The following DOCK5 variants were observed in gnomAD, a reference collection of about 807,000 sequenced individuals.
DOCK5 encodes the protein dedicator of cytokinesis 5.
DOCK5 carries 142 observed loss-of-function variants against 251.8 expected under a neutral mutation model. That is an observed-to-expected ratio of 0.56 (90% confidence interval 0.49 to 0.65). DOCK5 has a LOEUF of 0.65. Among genes scored for constraint, DOCK5 ranks in the 30% least tolerant of loss-of-function variants. DOCK5 has a pLI of 0.00. For missense variants in DOCK5, 2,111 were observed against 2,312.3 expected, an observed-to-expected ratio of 0.91 and a Z score of 1.79; for synonymous variants, 842 against 835.5, an observed-to-expected ratio of 1.01 and a Z score of -0.13.
intron 3 of DOCK5, among the ~76,000 whole-genome samples, chr8:25,271,534 T>G (rs188486716): frequency 6.6e-6 from 1 of 152,338 alleles, no homozygotes; most frequent in Admixed American, 6.5e-5. Flanking sequence ...AAAGGCCTGT[T>G]GTTTTAATGG....
intron 4 of DOCK5, 127 bp downstream of exon 4, chr8:25,275,568 C>A: frequency 1.1e-6 from 1 of 909,196 alleles, no homozygotes; most frequent in Non-Finnish European, 1.6e-6. Context: ...GGCGTGGTGG[C>A]TCACGCCTGT....
intron 1 of DOCK5, among the ~76,000 whole-genome samples, chr8:25,219,033 T>C (rs1434966407): frequency 2.6e-5 from 4 of 152,198 alleles, no homozygotes; most frequent in Non-Finnish European, 4.4e-5. Context: ...ACTCTAAACA[T>C]GCTTATTTTG....
At chr8:25,314,912 C>G (rs1805201613) in intron 13 of DOCK5, among the ~76,000 whole-genome samples, 2 of 150,848 alleles carry the variant, frequency 1.3e-5, no homozygotes, top group South Asian at 2.1e-4. Context: ...TCCCTTCTCT[C>G]CATCTGCATT....
intron 38 of DOCK5, among the ~76,000 whole-genome samples, chr8:25,378,924 A>T (rs1356305503): frequency 1.3e-5 from 2 of 152,212 alleles, no homozygotes; most frequent in Non-Finnish European, 2.9e-5. Context: ...GCGACATCAC[A>T]TATCGGTAGG....
intron 7 of DOCK5, 116 bp downstream of exon 7, chr8:25,296,764 T>C (rs1428998105): frequency 1.9e-5 from 25 of 1,332,144 alleles, no homozygotes; most frequent in Non-Finnish European, 2.5e-5. Flanking sequence ...TTCGTCCTCA[T>C]TTTAAAAGTG....
chr8:25,334,289 A>G (rs1805749549), intron 21 of DOCK5, 93 bp downstream of exon 21: 2 of 1,011,136 alleles, frequency 2.0e-6, no homozygotes, highest in Non-Finnish European at 3.1e-6. Context: ...ACCTATTACT[A>G]TTCAGTAAAT....
chr8:25,300,751 G>A, intron 9 of DOCK5, 94 bp downstream of exon 9: 2 of 1,333,276 alleles, frequency 1.5e-6, no homozygotes, highest in Admixed American at 2.3e-5. Context: ...ATGAAAAGAT[G>A]AAAGGAAAAA....
At chr8:25,232,477 G>T (rs1802695464) in intron 1 of DOCK5, among the ~76,000 whole-genome samples, 1 of 152,176 alleles carries the variant, frequency 6.6e-6, no homozygotes, top group South Asian at 2.1e-4. Context: ...AACAGAAATA[G>T]ATTTCTCACA....
At chr8:25,232,910 G>GT (rs1563317769) in intron 1 of DOCK5, among the ~76,000 whole-genome samples, 2 of 152,082 alleles carry the variant, frequency 1.3e-5, no homozygotes, top group Non-Finnish European at 2.9e-5. Context: ...ATGTGCGTGG[G>GT]TTGGGAACAA....
intron 39 of DOCK5, among the ~76,000 whole-genome samples, chr8:25,382,048 C>G (rs1028235592): frequency 1.3e-5 from 2 of 152,204 alleles, no homozygotes; most frequent in Admixed American, 6.5e-5. Context: ...GGGTCTCACT[C>G]TGTCACCCAG....
chr8:25,302,025 A>G (rs1804778868), intron 9 of DOCK5, among the ~76,000 whole-genome samples: 2 of 152,132 alleles, frequency 1.3e-5, no homozygotes, highest in South Asian at 4.1e-4. Flanking sequence ...GAGGGCCCTG[A>G]TTTTTCAATA....
At chr8:25,253,992 CTA>C in intron 2 of DOCK5, among the ~76,000 whole-genome samples, 1 of 152,306 alleles carries the variant, frequency 6.6e-6, no homozygotes, top group East Asian at 1.9e-4. Context: ...TCACAACTTA[CTA>C]TAAAGCTATA....
intron 6 of DOCK5, among the ~76,000 whole-genome samples, chr8:25,296,220 T>C (rs1804612161): frequency 6.6e-6 from 1 of 152,224 alleles, no homozygotes; most frequent in Non-Finnish European, 1.5e-5. Flanking sequence ...GCAAGAAGCA[T>C]TGGCCAGAGG....
chr8:25,251,294 A>G (rs1429791155), intron 2 of DOCK5, among the ~76,000 whole-genome samples: 1 of 144,468 alleles, frequency 6.9e-6, no homozygotes, highest in Admixed American at 6.9e-5. Flanking sequence ...TGAACTGTAC[A>G]GAGGCAGGCA....
At chr8:25,188,448 A>G (rs1399985949) in intron 1 of DOCK5, among the ~76,000 whole-genome samples, 1 of 152,156 alleles carries the variant, frequency 6.6e-6, no homozygotes, top group African/African-American at 2.4e-5. Flanking sequence ...CTCTAAGAGG[A>G]GTGTGCCTCT....
At chr8:25,223,529 G>T (rs1802445644) in intron 1 of DOCK5, among the ~76,000 whole-genome samples, 1 of 152,172 alleles carries the variant, frequency 6.6e-6, no homozygotes, top group Non-Finnish European at 1.5e-5. Context: ...TGCCCAGCCT[G>T]GTCTCCAACT....
chr8:25,320,896 A>G (rs1276705892), intron 15 of DOCK5, 84 bp from the exon 16 acceptor site: 7 of 1,225,064 alleles, frequency 5.7e-6, no homozygotes, highest in Non-Finnish European at 8.2e-6. Flanking sequence ...TGGAAAGTAT[A>G]AAATTGAGCC....
In DOCK5 at chr8:25,380,374, G is replaced by T; in HGVS notation, c.4006G>T (p.Glu1336Ter). ...TTACGAAAGCAAAGTATTTGACTACGAGGGCCTTGGCAACCTCCTGGTGAG... is the reference window on the plus strand; with the variant it reads ...TTACGAAAGCAAAGTATTTGACTACTAGGGCCTTGGCAACCTCCTGGTGAG... The part of the protein sequence containing the change: ...ETYESKVFDY[E>*]GLGNLLKKRA... The change falls in exon 39 of 52, where the codon GAG becomes TAG. Residue 1336 changes from glutamate (E) to a stop codon, truncating the protein, a stop_gained. Coordinates refer to ENST00000276440, the MANE Select transcript of DOCK5 (RefSeq NM_024940.8). LOFTEE classifies it high-confidence loss of function. 2.5e-6 allele frequency: 4 copies of T among 1,610,016 alleles called. No homozygotes were observed. Among genetic ancestry groups the T allele is most frequent in the Non-Finnish European group, 3.4e-6 (4 of 1,178,044 alleles).
chr8:25,348,831 C>CT (rs1800415112), intron 26 of DOCK5, among the ~76,000 whole-genome samples: 1 of 145,346 alleles, frequency 6.9e-6, no homozygotes, highest in East Asian at 2.0e-4. Flanking sequence ...GAGCGAGACT[C>CT]TGTCTCAAAA....
Sources: allele counts gnomAD v4.1 joint callset (sites outside exome capture counted in the v4.1 genomes callset), GRCh38; gene constraint gnomAD v4.1.1; transcripts MANE v1.5; gene names NCBI Gene and HGNC (gene_info 2026-07-23, HGNC 2026-07-21).